The following DGKH variants were observed in gnomAD, a reference collection of about 807,000 sequenced individuals.
DGKH encodes the protein DAG kinase eta.
DGKH carries 90 observed loss-of-function variants against 159.3 expected under a neutral mutation model. That is an observed-to-expected ratio of 0.57 (90% confidence interval 0.48 to 0.67). DGKH has a LOEUF of 0.67. Among genes scored for constraint, DGKH ranks in the 30% least tolerant of loss-of-function variants. DGKH has a pLI of 0.00. For synonymous variants in DGKH, 536 were observed against 553.8 expected (o/e 0.97, Z 0.45); for missense variants, 1,181 against 1,506.1 (o/e 0.78, Z 3.57).
chr13:42,046,570 A>G (rs948443997), upstream of DGKH, among the ~76,000 whole-genome samples: 1 of 152,242 alleles, frequency 6.6e-6, no homozygotes, highest in Admixed American at 6.5e-5. Flanking sequence ...GCTCTGGGAT[A>G]TGAAACTTTT....
chr13:42,198,410 G>C (rs1594191116), intron 17 of DGKH, 68 bp from the exon 18 acceptor site: 2 of 1,387,292 alleles, frequency 1.4e-6, no homozygotes, highest in South Asian at 1.2e-5. Context: ...TATCAGGCCT[G>C]GATGGACTGG....
intron 29 of DGKH, among the ~76,000 whole-genome samples, chr13:42,228,451 A>T (rs1211140037): frequency 1.3e-5 from 2 of 152,172 alleles, no homozygotes; most frequent in Non-Finnish European, 2.9e-5. Context: ...TTACAGTCCA[A>T]ATTTATGTAG....
chr13:42,122,689 A>C (rs749122364), intron 1 of DGKH, among the ~76,000 whole-genome samples: 1 of 152,244 alleles, frequency 6.6e-6, no homozygotes, highest in African/African-American at 2.4e-5. Context: ...AGACAGTGTC[A>C]GTCTTTCTTT....
chr13:42,207,333 G>A (rs552595777), intron 21 of DGKH, among the ~76,000 whole-genome samples: 2 of 151,216 alleles, frequency 1.3e-5, no homozygotes, highest in South Asian at 4.2e-4. Flanking sequence ...GGGACTACAG[G>A]CACACACCAC....
intron 29 of DGKH, among the ~76,000 whole-genome samples, chr13:42,247,905 A>C (rs1031257124): frequency 6.6e-6 from 1 of 152,210 alleles, no homozygotes; most frequent in African/African-American, 2.4e-5. Context: ...GTGTTAGTAC[A>C]AAAGAGTCAA....
rs9533043 is a variant in DGKH at position 42,227,833 on chromosome 13, C to T, written c.3574-1266C>T. On this transcript the variant is annotated intron_variant, in intron 29 of 29. Coordinates refer to ENST00000337343, the MANE Select transcript of DGKH (RefSeq NM_178009.5). ...ACGAGAGAAAGAGAGAGACAATGAC[C>T]GAAGACTTAAACCAGTTTGATCTAT... Among the ~76,000 whole-genome samples the T allele has an allele frequency of 9.9e-3, 1,507 of 152,102 alleles. 12 individuals carry two copies. Among genetic ancestry groups the T allele is most frequent in the Non-Finnish European group, 0.016 (1,067 of 67,966 alleles).
intron 7 of DGKH, among the ~76,000 whole-genome samples, chr13:42,164,457 G>T (rs1037418412): frequency 6.6e-5 from 10 of 152,192 alleles, no homozygotes; most frequent in African/African-American, 7.2e-5. Flanking sequence ...AATTATTATT[G>T]AATTTTAGTT....
chr13:42,202,514 T>G (rs573784039), intron 20 of DGKH, among the ~76,000 whole-genome samples: 2 of 152,366 alleles, frequency 1.3e-5, no homozygotes, highest in Admixed American at 6.5e-5. Flanking sequence ...GAACAAAGAC[T>G]TTGACCTTGG....
At chr13:42,151,519 AT>A (rs1566134503) in intron 3 of DGKH, among the ~76,000 whole-genome samples, 15 of 112,352 alleles carry the variant, frequency 1.3e-4, no homozygotes, top group African/African-American at 4.1e-4. Context: ...ACACATGTAT[AT>A]ATATACACGT....
chr13:42,219,439 A>C, intron 27 of DGKH, 90 bp downstream of exon 27: 1 of 1,528,068 alleles, frequency 6.5e-7, no homozygotes, highest in South Asian at 1.3e-5. Context: ...ATTTAGGGAA[A>C]AATGAATTTT....
At chr13:42,167,643 C>G (rs1362074502) in intron 9 of DGKH, among the ~76,000 whole-genome samples, 1 of 152,116 alleles carries the variant, frequency 6.6e-6, no homozygotes, top group Non-Finnish European at 1.5e-5. Context: ...CCCTTCCTTT[C>G]CTCTGCTGAG....
At chr13:42,155,529 T>C (rs572562790) in intron 4 of DGKH, 134 bp downstream of exon 4, 2 of 1,536,668 alleles carry the variant, frequency 1.3e-6, no homozygotes, top group South Asian at 1.2e-5. Context: ...TTTGAAATTC[T>C]TATCTTAAAG....
chr13:42,082,952 C>T (rs528331190), intron 1 of DGKH, among the ~76,000 whole-genome samples: 2 of 152,076 alleles, frequency 1.3e-5, no homozygotes, highest in Non-Finnish European at 2.9e-5. Context: ...TCTAGTTCTT[C>T]GGGATAATGG....
At chr13:42,249,673 CAG>C (rs1958606558) in intron 29 of DGKH, among the ~76,000 whole-genome samples, 1 of 152,268 alleles carries the variant, frequency 6.6e-6, no homozygotes, top group Admixed American at 6.5e-5. Flanking sequence ...TTTACAAAAA[CAG>C]ATGTTGGCAC....
intron 1 of DGKH, among the ~76,000 whole-genome samples, chr13:42,109,692 CTGTT>C (rs1311287073): frequency 2.0e-5 from 3 of 151,502 alleles, no homozygotes; most frequent in Admixed American, 6.6e-5. Flanking sequence ...GTGTGTGTGT[CTGTT>C]GCTGTTTTTT....
chr13:42,116,438 C>A (rs1030024692), intron 1 of DGKH, among the ~76,000 whole-genome samples: 1 of 152,212 alleles, frequency 6.6e-6, no homozygotes, highest in Non-Finnish European at 1.5e-5. Flanking sequence ...CATGCTGGGA[C>A]ATGACTGGTA....
intron 5 of DGKH, among the ~76,000 whole-genome samples, chr13:42,156,510 T>G (rs2137959918): frequency 6.6e-6 from 1 of 152,212 alleles, no homozygotes; most frequent in African/African-American, 2.4e-5. Context: ...CAAAGAGGCA[T>G]GAGCAAATTT....
chr13:42,152,234 G>T (rs561695431), intron 3 of DGKH, among the ~76,000 whole-genome samples: 1 of 152,136 alleles, frequency 6.6e-6, no homozygotes, highest in African/African-American at 2.4e-5. Flanking sequence ...GTGATAATTT[G>T]TTACAATGGC....
At chr13:42,126,404 A>G (rs1268649721) in intron 1 of DGKH, among the ~76,000 whole-genome samples, 2 of 152,090 alleles carry the variant, frequency 1.3e-5, no homozygotes, top group Non-Finnish European at 2.9e-5. Flanking sequence ...GGGATATCTG[A>G]GGGAGGAGAG....
Sources: allele counts gnomAD v4.1 joint callset (sites outside exome capture counted in the v4.1 genomes callset), GRCh38; gene constraint gnomAD v4.1.1; transcripts MANE v1.5; gene names NCBI Gene and HGNC (gene_info 2026-07-23, HGNC 2026-07-21).